Variants in WDR49 observed in about 807,000 individuals in gnomAD.
WDR49 encodes WD repeat domain 49.
A neutral mutation model predicts 119.5 loss-of-function variants in WDR49; 107 were observed. The ratio of observed to expected loss-of-function variants is 0.90; its 90% CI spans 0.77 to 1.05. The LOEUF is 1.05. Ranked by LOEUF, WDR49 falls within the 50% of genes least tolerant of loss-of-function variation. The pLI is 0.00. For missense variants in WDR49, 1,240 were observed against 1,220.5 expected (o/e 1.02, Z -0.24); for synonymous variants, 425 against 418.8 (o/e 1.01, Z -0.18).
intron 7 of WDR49, among the ~76,000 whole-genome samples, chr3:167,588,904 G>A (rs1209057115): frequency 6.6e-6 from 1 of 151,388 alleles, no homozygotes; most frequent in Non-Finnish European, 1.5e-5. Flanking sequence ...TCACTTTATT[G>A]ATTGTATACT....
intron 5 of WDR49, among the ~76,000 whole-genome samples, chr3:167,613,114 T>C (rs1005920921): frequency 1.5e-4 from 23 of 152,200 alleles, no homozygotes; most frequent in African/African-American, 5.1e-4. Flanking sequence ...CCCCAGGTTG[T>C]ACTTATTTCA....
At chr3:167,617,623 C>T (rs908433549) in intron 5 of WDR49, among the ~76,000 whole-genome samples, 4 of 152,006 alleles carry the variant, frequency 2.6e-5, no homozygotes, top group African/African-American at 9.7e-5. Flanking sequence ...ATGAACAATC[C>T]TCCTCCGGAG....
intron 10 of WDR49, among the ~76,000 whole-genome samples, chr3:167,546,038 T>A (rs1300773223): frequency 6.6e-6 from 1 of 151,850 alleles, no homozygotes; most frequent in Non-Finnish European, 1.5e-5. Context: ...CTTTTCCTAC[T>A]GGTAAGTTTG....
At chr3:167,651,182 G>A (rs1245405214) in intron 2 of WDR49, among the ~76,000 whole-genome samples, 1 of 152,052 alleles carries the variant, frequency 6.6e-6, no homozygotes, top group Non-Finnish European at 1.5e-5. Flanking sequence ...TATTTAAGGA[G>A]ATGGACTTCA....
rs187666831 is a variant in WDR49 at position 167,556,797 on chromosome 3, C to T, written c.1675-1999G>A. ...ATCCCAACACTTTGGGAGGCTGAGGCGGGCGGATCACAAGGTCAGGAGTTT... is the reference window on the plus strand; with the variant it reads ...ATCCCAACACTTTGGGAGGCTGAGGTGGGCGGATCACAAGGTCAGGAGTTT... On this transcript the variant is annotated intron_variant, in intron 9 of 18. Coordinates refer to ENST00000682715, the MANE Select transcript of WDR49 (RefSeq NM_001366157.1). Among the ~76,000 whole-genome samples the T allele has an allele frequency of 9.6e-3, 1,456 of 151,850 alleles. 17 individuals carry two copies. Among genetic ancestry groups the T allele is most frequent in the East Asian group, 0.031 (159 of 5,152 alleles).
At chr3:167,592,668 C>T (rs528599511) in intron 7 of WDR49, among the ~76,000 whole-genome samples, 1 of 152,182 alleles carries the variant, frequency 6.6e-6, no homozygotes, top group South Asian at 2.1e-4. Context: ...CTTTTGCCCT[C>T]ACGATCCTCC....
chr3:167,555,800 T>C (rs1035362434), intron 9 of WDR49, among the ~76,000 whole-genome samples: 7 of 152,202 alleles, frequency 4.6e-5, no homozygotes, highest in African/African-American at 1.7e-4. Context: ...CATCACTTAA[T>C]AACAGGATAC....
chr3:167,573,109 C>T (rs1451111359), intron 8 of WDR49, among the ~76,000 whole-genome samples: 1 of 152,106 alleles, frequency 6.6e-6, no homozygotes, highest in African/African-American at 2.4e-5. Flanking sequence ...ACTTTAAAGA[C>T]CCTTACAGGG....
intron 5 of WDR49, among the ~76,000 whole-genome samples, chr3:167,605,047 T>C (rs1715984571): frequency 6.9e-6 from 1 of 144,616 alleles, no homozygotes; most frequent in Non-Finnish European, 1.5e-5. Flanking sequence ...TGTGTGTGTG[T>C]ACATATACAT....
intron 6 of WDR49, 122 bp downstream of exon 6, chr3:167,604,168 CAGTAAAATGTG>C (rs1715918869): frequency 1.0e-6 from 1 of 992,666 alleles, no homozygotes; most frequent in African/African-American, 1.6e-5. Context: ...CATTCTCAGG[CAGTAAAATGTG>C]AGCTTCTCGA....
intron 2 of WDR49, among the ~76,000 whole-genome samples, chr3:167,631,038 C>T (rs949444520): frequency 6.6e-6 from 1 of 151,658 alleles, no homozygotes; most frequent in Admixed American, 6.6e-5. Flanking sequence ...ATGTGAAAAA[C>T]GTGGCACTAA....
intron 5 of WDR49, 44 bp from the exon 6 acceptor site, chr3:167,604,512 T>C: frequency 6.6e-7 from 1 of 1,504,744 alleles, no homozygotes; most frequent in Non-Finnish European, 8.9e-7. Flanking sequence ...TAGTTGATTC[T>C]TCACAAGATA....
chr3:167,491,555 A>C (rs1483531709), intron 18 of WDR49, among the ~76,000 whole-genome samples: 1 of 152,170 alleles, frequency 6.6e-6, no homozygotes, highest in Non-Finnish European at 1.5e-5. Context: ...AGTAGGCTGA[A>C]TAAAACCATC....
At chr3:167,559,992 T>C (rs1194665617) in intron 9 of WDR49, 72 bp downstream of exon 9, 1 of 1,529,146 alleles carries the variant, frequency 6.5e-7, no homozygotes, top group African/African-American at 1.4e-5. Context: ...TGAGAATATC[T>C]ATAGCCATGT....
intron 2 of WDR49, among the ~76,000 whole-genome samples, chr3:167,645,666 A>C (rs74849251): frequency 6.6e-6 from 1 of 152,028 alleles, no homozygotes; most frequent in African/African-American, 2.4e-5. Context: ...TACCAACTCC[A>C]GTTGTTTCTC....
intron 2 of WDR49, among the ~76,000 whole-genome samples, chr3:167,631,289 T>C (rs758888906): frequency 6.6e-6 from 1 of 151,894 alleles, no homozygotes; most frequent in Non-Finnish European, 1.5e-5. Flanking sequence ...AAAAAAGAAA[T>C]TGCCATATGG....
intron 10 of WDR49, among the ~76,000 whole-genome samples, chr3:167,552,620 T>A (rs1712640547): frequency 6.6e-6 from 1 of 151,776 alleles, no homozygotes. Flanking sequence ...GAATTTGAGA[T>A]TGCAGTCAGA....
intron 3 of WDR49, among the ~76,000 whole-genome samples, chr3:167,625,113 C>T (rs1717071999): frequency 6.6e-6 from 1 of 151,962 alleles, no homozygotes; most frequent in Admixed American, 6.6e-5. Flanking sequence ...ATCTATGGTT[C>T]CAAACAATAG....
At chr3:167,547,120 C>G (rs1012390250) in intron 10 of WDR49, among the ~76,000 whole-genome samples, 2 of 151,752 alleles carry the variant, frequency 1.3e-5, no homozygotes, top group Non-Finnish European at 2.9e-5. Flanking sequence ...TTGGAATATT[C>G]CATTCTGATT....
Sources: allele counts gnomAD v4.1 joint callset (sites outside exome capture counted in the v4.1 genomes callset), GRCh38; gene constraint gnomAD v4.1.1; transcripts MANE v1.5; gene names NCBI Gene and HGNC (gene_info 2026-07-23, HGNC 2026-07-21).